Variants in PTPRD observed in about 807,000 individuals in gnomAD.
PTPRD encodes the protein receptor-type tyrosine-protein phosphatase delta.
PTPRD carries 34 observed loss-of-function variants against 214.5 expected under a neutral mutation model. The ratio of observed to expected loss-of-function variants is 0.16; its 90% confidence interval spans 0.12 to 0.21. The LOEUF is 0.21. Among genes scored for constraint, PTPRD ranks in the 10% least tolerant of loss-of-function variants. The pLI, the probability that PTPRD is intolerant of heterozygous loss-of-function variation, is 1.00. For missense variants in PTPRD, 2,545 were observed against 2,398.7 expected (o/e 1.06, Z -1.27); for synonymous variants, 1,128 against 845.7 (o/e 1.33, Z -5.79).
intron 3 of PTPRD, among the ~76,000 whole-genome samples, chr9:10,217,723 C>G (rs2099547893): frequency 6.6e-6 from 1 of 151,938 alleles, no homozygotes; most frequent in South Asian, 2.1e-4. Flanking sequence ...AGAAATTCAA[C>G]TACATGTATA....
At chr9:10,438,414 A>G (rs1334729859) in intron 2 of PTPRD, among the ~76,000 whole-genome samples, 3 of 151,724 alleles carry the variant, frequency 2.0e-5, no homozygotes, top group African/African-American at 7.3e-5. Flanking sequence ...CCCATTGTAA[A>G]TAGAGGAGCA....
intron 8 of PTPRD, among the ~76,000 whole-genome samples, chr9:9,486,915 C>T (rs1268368195): frequency 2.6e-5 from 4 of 152,216 alleles, no homozygotes; most frequent in Non-Finnish European, 4.4e-5. Context: ...GACACTTCAC[C>T]CGCTCTTATC....
At chr9:10,094,201 T>C (rs1185931068) in intron 3 of PTPRD, among the ~76,000 whole-genome samples, 1 of 151,520 alleles carries the variant, frequency 6.6e-6, no homozygotes, top group Non-Finnish European at 1.5e-5. Flanking sequence ...CTCCTATTTA[T>C]CCTATTTATT....
At chr9:8,381,327 G>GA (rs946373625) in intron 37 of PTPRD, among the ~76,000 whole-genome samples, 1 of 152,130 alleles carries the variant, frequency 6.6e-6, no homozygotes, top group Non-Finnish European at 1.5e-5. Flanking sequence ...TTAGTGGGCA[G>GA]AAAAAATAAA....
chr9:10,013,012 A>G (rs2154108495), intron 4 of PTPRD, among the ~76,000 whole-genome samples: 1 of 151,986 alleles, frequency 6.6e-6, no homozygotes, highest in Middle Eastern at 3.2e-3. Context: ...GATCTGTTAG[A>G]AAAGCATATC....
At chr9:9,825,822 TA>T (rs1390351930) in intron 5 of PTPRD, among the ~76,000 whole-genome samples, 1 of 151,874 alleles carries the variant, frequency 6.6e-6, no homozygotes, top group East Asian at 1.9e-4. Context: ...TTTATATTTT[TA>T]AAATTATAAT....
At chr9:9,025,724 T>C (rs1340670079) in intron 10 of PTPRD, among the ~76,000 whole-genome samples, 1 of 151,960 alleles carries the variant, frequency 6.6e-6, no homozygotes. Flanking sequence ...ATATTAATAG[T>C]CACATGATCT....
chr9:10,135,640 G>A (rs1203209442), intron 3 of PTPRD, among the ~76,000 whole-genome samples: 2 of 152,042 alleles, frequency 1.3e-5, no homozygotes, highest in African/African-American at 2.4e-5. Context: ...AGTTCCACAA[G>A]TGAAGAAGAA....
At chr9:8,666,699 C>A (rs2097176946) in intron 12 of PTPRD, among the ~76,000 whole-genome samples, 1 of 152,172 alleles carries the variant, frequency 6.6e-6, no homozygotes, top group Admixed American at 6.5e-5. Flanking sequence ...TTGTACAACA[C>A]ACTAAACTCT....
intron 2 of PTPRD, among the ~76,000 whole-genome samples, chr9:10,466,137 T>A (rs1240568823): frequency 2.6e-5 from 4 of 152,174 alleles, no homozygotes; most frequent in Non-Finnish European, 4.4e-5. Context: ...GGTATTTGTT[T>A]CTATCCTCCA....
At chr9:10,593,184 C>T (rs1461666686) in intron 2 of PTPRD, among the ~76,000 whole-genome samples, 1 of 151,930 alleles carries the variant, frequency 6.6e-6, no homozygotes, top group Non-Finnish European at 1.5e-5. Flanking sequence ...AAAGCAGTGC[C>T]TCTTAAACCA....
At chr9:8,473,508 T>G (rs2096700712) in intron 30 of PTPRD, among the ~76,000 whole-genome samples, 1 of 152,188 alleles carries the variant, frequency 6.6e-6, no homozygotes, top group African/African-American at 2.4e-5. Context: ...AGGAACCTCT[T>G]GCTTTTCACT....
At chr9:10,553,518 T>A (rs2061809540) in intron 2 of PTPRD, among the ~76,000 whole-genome samples, 1 of 152,080 alleles carries the variant, frequency 6.6e-6, no homozygotes, top group African/African-American at 2.4e-5. Flanking sequence ...AATATGCAAG[T>A]ATGTACATAT....
At chr9:10,223,706 T>TAATAAC (rs1554887126) in intron 3 of PTPRD, among the ~76,000 whole-genome samples, 2 of 145,196 alleles carry the variant, frequency 1.4e-5, no homozygotes, top group Admixed American at 1.4e-4. Context: ...ATAATAATAA[T>TAATAAC]AATAATAAAG....
chr9:10,198,860 G>A (rs151183982), intron 3 of PTPRD, among the ~76,000 whole-genome samples: 295 of 152,018 alleles, frequency 1.9e-3, no homozygotes, highest in African/African-American at 6.7e-3. Context: ...ATATTTAATT[G>A]CTCATTGTAT....
At chr9:8,787,400 C>A (rs562582156) in intron 11 of PTPRD, among the ~76,000 whole-genome samples, 1 of 152,250 alleles carries the variant, frequency 6.6e-6, no homozygotes, top group South Asian at 2.1e-4. Flanking sequence ...TCATTTCTGA[C>A]GATGACAATT....
chr9:10,492,498 A>C (rs10114013), intron 2 of PTPRD, among the ~76,000 whole-genome samples: 1 of 151,908 alleles, frequency 6.6e-6, no homozygotes, highest in Non-Finnish European at 1.5e-5. Context: ...TTTATTGGCC[A>C]CATAAATGTC....
chr9:10,563,025 G>T (rs1245337367), intron 2 of PTPRD, among the ~76,000 whole-genome samples: 1 of 151,282 alleles, frequency 6.6e-6, no homozygotes, highest in South Asian at 2.1e-4. Context: ...AGGAAGTGAG[G>T]CTACTACAGA....
chr9:8,425,813 G>C (rs1230842289), intron 35 of PTPRD, among the ~76,000 whole-genome samples: 1 of 152,144 alleles, frequency 6.6e-6, no homozygotes, highest in African/African-American at 2.4e-5. Flanking sequence ...GATCAGGAGA[G>C]TTAAATAATG....
Sources: allele counts gnomAD v4.1 joint callset (sites outside exome capture counted in the v4.1 genomes callset), GRCh38; gene constraint gnomAD v4.1.1; transcripts MANE v1.5; gene names NCBI Gene and HGNC (gene_info 2026-07-23, HGNC 2026-07-21).